The following IFTAP variants were observed in gnomAD, a reference collection of about 807,000 sequenced individuals.
The protein encoded by IFTAP is intraflagellar transport associated protein.
A neutral mutation model predicts 19.4 loss-of-function variants in IFTAP; 19 were observed. That is an observed-to-expected ratio of 0.98 (90% CI 0.68 to 1.44). The LOEUF (loss-of-function observed/expected upper bound fraction) is 1.44, where lower values mean the gene tolerates loss of function less well. Among genes scored for constraint, IFTAP ranks in the 40% most tolerant of loss-of-function variants. IFTAP has a pLI of 0.00. For missense variants in IFTAP, 240 were observed against 253.6 expected (o/e 0.95, Z 0.36); for synonymous variants, 85 against 83.5 (o/e 1.02, Z -0.10).
intron 1 of IFTAP, among the ~76,000 whole-genome samples, chr11:36,609,532 G>T (rs1308677315): frequency 6.6e-6 from 1 of 152,184 alleles, no homozygotes; most frequent in Non-Finnish European, 1.5e-5. Context: ...GGAAGGGGGG[G>T]AGTGGAGTCA....
intron 1 of IFTAP, among the ~76,000 whole-genome samples, chr11:36,606,743 A>G (rs1445141439): frequency 6.6e-6 from 1 of 152,252 alleles, no homozygotes; most frequent in Non-Finnish European, 1.5e-5. Context: ...GAAGTAACTT[A>G]CAAAGATGAT....
intron 4 of IFTAP, among the ~76,000 whole-genome samples, chr11:36,643,044 G>A (rs1360884798): frequency 3.3e-5 from 5 of 152,118 alleles, no homozygotes; most frequent in East Asian, 1.9e-4. Context: ...AGGGTATTCA[G>A]TTAGGAAAAG....
At chr11:36,629,864 T>G (rs1056095961) in intron 2 of IFTAP, among the ~76,000 whole-genome samples, 1 of 151,350 alleles carries the variant, frequency 6.6e-6, no homozygotes, top group African/African-American at 2.5e-5. Context: ...AAAAAAACTT[T>G]CGTCTCATCT....
intron 2 of IFTAP, among the ~76,000 whole-genome samples, chr11:36,623,928 T>G (rs1565016304): frequency 6.6e-6 from 1 of 152,176 alleles, no homozygotes; most frequent in East Asian, 1.9e-4. Flanking sequence ...AAGTTAAATA[T>G]TAAGAGAATC....
At chr11:36,633,066 A>G (rs1455193352) in intron 2 of IFTAP, among the ~76,000 whole-genome samples, 1 of 151,242 alleles carries the variant, frequency 6.6e-6, no homozygotes, top group East Asian at 1.9e-4. Context: ...TGTAATAGGC[A>G]CTCAATAAAT....
chr11:36,639,582 G>A (rs1189918134), intron 4 of IFTAP, among the ~76,000 whole-genome samples: 2 of 152,198 alleles, frequency 1.3e-5, no homozygotes, highest in Admixed American at 1.3e-4. Context: ...TGCAGAAACT[G>A]CATGACGAGA....
intron 1 of IFTAP, among the ~76,000 whole-genome samples, chr11:36,606,591 G>A (rs1209564746): frequency 6.6e-6 from 1 of 152,126 alleles, no homozygotes; most frequent in East Asian, 1.9e-4. Context: ...GAGATGTGTT[G>A]GATAATGCTC....
At chr11:36,595,338 C>T (rs1851172491) in intron 1 of IFTAP, 1 of 152,066 alleles carries the variant, frequency 6.6e-6, no homozygotes, top group Non-Finnish European at 1.5e-5. Context: ...TGTGTTACAA[C>T]AAAAAGAATA....
At chr11:36,612,280 G>GTT (rs201227236) in intron 2 of IFTAP, among the ~76,000 whole-genome samples, 9 of 146,026 alleles carry the variant, frequency 6.2e-5, no homozygotes, top group African/African-American at 1.0e-4. Flanking sequence ...CACACTAGTT[G>GTT]TTTTTTTTTT....
At chr11:36,610,007 C>G (rs1402685119) in intron 1 of IFTAP, 74 bp from the exon 2 acceptor site, 3 of 1,359,606 alleles carry the variant, frequency 2.2e-6, no homozygotes, top group Non-Finnish European at 3.0e-6. Context: ...ATTTTTCAAC[C>G]TACCCATCCA....
intron 1 of IFTAP, among the ~76,000 whole-genome samples, chr11:36,596,221 T>TG (rs533577050): frequency 7.4e-6 from 1 of 135,816 alleles, no homozygotes; most frequent in Non-Finnish European, 1.6e-5. Context: ...GTTTTTTTTT[T>TG]GTTTTTTTTT....
intron 4 of IFTAP, among the ~76,000 whole-genome samples, chr11:36,638,156 C>T (rs111355910): frequency 0.11 from 17,239 of 151,908 alleles, 1,158 homozygotes; most frequent in African/African-American, 0.17. Flanking sequence ...CCCCACCGCC[C>T]GCCCGAGTGC....
At chr11:36,634,037 TTG>T (rs1852835926) in intron 3 of IFTAP, among the ~76,000 whole-genome samples, 1 of 152,114 alleles carries the variant, frequency 6.6e-6, no homozygotes, top group Non-Finnish European at 1.5e-5. Flanking sequence ...GAATTGTATA[TTG>T]TGTTTTTTTC....
chr11:36,598,354 A>T (rs1851370374), intron 1 of IFTAP: 1 of 152,130 alleles, frequency 6.6e-6, no homozygotes, highest in Admixed American at 6.5e-5. Context: ...GTGTACCCTC[A>T]GGATTTAACT....
intron 1 of IFTAP, among the ~76,000 whole-genome samples, chr11:36,607,970 G>A (rs936919451): frequency 2.2e-4 from 34 of 152,118 alleles, no homozygotes; most frequent in Non-Finnish European, 7.4e-5. Flanking sequence ...TAGATACGGG[G>A]AAACAGAGAC....
chr11:36,632,809 T>TA (rs1852777604), intron 2 of IFTAP, among the ~76,000 whole-genome samples: 1 of 151,318 alleles, frequency 6.6e-6, no homozygotes, highest in Non-Finnish European at 1.5e-5. Context: ...AGTGCATGGA[T>TA]ACGTAAAAAA....
chr11:36,637,894 T>C (rs1488381869), intron 4 of IFTAP, among the ~76,000 whole-genome samples: 1 of 151,936 alleles, frequency 6.6e-6, no homozygotes, highest in East Asian at 1.9e-4. Context: ...TCTTTTTTTT[T>C]TTTTGAGATG....
chr11:36,611,449 C>T (rs1370450216), intron 2 of IFTAP, among the ~76,000 whole-genome samples: 1 of 151,966 alleles, frequency 6.6e-6, no homozygotes, highest in Non-Finnish European at 1.5e-5. Flanking sequence ...CAGGGAGTTC[C>T]ATAATCTCTG....
chr11:36,620,938 A>C (rs1228026046), intron 2 of IFTAP, among the ~76,000 whole-genome samples: 2 of 119,632 alleles, frequency 1.7e-5, no homozygotes, highest in African/African-American at 7.1e-5. Flanking sequence ...TATACATATA[A>C]ATTAGAGAGT....
Sources: allele counts gnomAD v4.1 joint callset (sites outside exome capture counted in the v4.1 genomes callset), GRCh38; gene constraint gnomAD v4.1.1; transcripts MANE v1.5; gene names NCBI Gene and HGNC (gene_info 2026-07-23, HGNC 2026-07-21).